DMD: variants seen among roughly 807,000 people sequenced by gnomAD.
DMD encodes the protein dystrophin, also known as mutant dystrophin.
In DMD, 63 loss-of-function variants were observed where a neutral mutation model predicts 330.1. The observed-to-expected ratio is 0.19, with a 90% CI of 0.16 to 0.24. The LOEUF (loss-of-function observed/expected upper bound fraction) is 0.24, where lower values mean the gene tolerates loss of function less well. Among genes scored for constraint, DMD ranks in the 10% least tolerant of loss-of-function variants. The pLI is 1.00. For synonymous variants in DMD, 1,223 were observed against 959.8 expected (o/e 1.27, Z -5.07); for missense variants, 3,344 against 2,684.1 (o/e 1.25, Z -5.43).
At position 31,212,048 on chromosome X, in the gene DMD, G is replaced by A. The variant is rs140494834; in HGVS notation, c.9362-2349C>T. On this transcript the variant is annotated intron_variant, in intron 64 of 78. Coordinates refer to ENST00000357033, the MANE Select transcript of DMD (RefSeq NM_004006.3). ...TAGACTTTTTGATGAAACATTAAATGTAATGATTAGCTCTTTCTAGGACCC... is the reference window on the plus strand; with the variant it reads ...TAGACTTTTTGATGAAACATTAAATATAATGATTAGCTCTTTCTAGGACCC... Among the ~76,000 whole-genome samples, 1,044 of 109,745 alleles carry A rather than the reference G, an allele frequency of 9.5e-3. 10 individuals carry two copies. Among genetic ancestry groups the A allele is most frequent in the African/African-American group, 0.032 (966 of 30,279 alleles).
At chrX:32,332,959 A>G (rs770614013) in intron 41 of DMD, among the ~76,000 whole-genome samples, 5 of 110,946 alleles carry the variant, frequency 4.5e-5, no homozygotes, top group Non-Finnish European at 7.6e-5. Context: ...TATATAGAAT[A>G]AATAAAAATG....
intron 51 of DMD, among the ~76,000 whole-genome samples, chrX:31,770,216 A>C (rs894844376): frequency 3.6e-5 from 4 of 112,520 alleles, no homozygotes; most frequent in Admixed American, 9.4e-5. Flanking sequence ...GCTTGCATCC[A>C]GAGAGCTCTA....
Position 32,399,044 on chromosome X carries a change from A to G in DMD, c.4234-8863T>C, listed in dbSNP as rs1027056344. 4.5e-5 allele frequency among the ~76,000 whole-genome samples: 5 copies of G among 112,077 alleles called. No homozygotes were observed. In the Admixed American group the frequency reaches 4.7e-4, roughly 11 times the overall value. On this transcript the variant is annotated intron_variant, in intron 30 of 78. Coordinates refer to ENST00000357033, the MANE Select transcript of DMD (RefSeq NM_004006.3). ...AAAATTGGATATCCAAATGCAGAAT[A>G]AAACCAGACCTCTATCTTGAACCGT...
At chrX:32,816,031 A>G (rs1255132121) in intron 6 of DMD, among the ~76,000 whole-genome samples, 2 of 111,498 alleles carry the variant, frequency 1.8e-5, no homozygotes, top group Non-Finnish European at 3.8e-5. Flanking sequence ...TCTCCACACT[A>G]CGTATCTGAT....
intron 4 of DMD, among the ~76,000 whole-genome samples, chrX:32,835,360 T>C (rs972814918): frequency 8.9e-6 from 1 of 112,519 alleles, no homozygotes; most frequent in African/African-American, 3.2e-5. Context: ...AGAGCTGATG[T>C]AGAGACAAGA....
At chrX:31,311,757 G>A (rs182328391) in intron 62 of DMD, among the ~76,000 whole-genome samples, 14 of 111,143 alleles carry the variant, frequency 1.3e-4, no homozygotes, top group Non-Finnish European at 1.5e-4. Context: ...CCATTTTCAC[G>A]ATATTGATTC....
intron 53 of DMD, among the ~76,000 whole-genome samples, chrX:31,659,097 T>C (rs751698100): frequency 4.5e-5 from 5 of 111,648 alleles, no homozygotes; most frequent in East Asian, 2.8e-4. Flanking sequence ...AAAGGTACAA[T>C]TGGACACCAA....
chrX:31,462,057 A>G (rs918171903), intron 59 of DMD, among the ~76,000 whole-genome samples: 2 of 111,975 alleles, frequency 1.8e-5, no homozygotes, highest in African/African-American at 6.5e-5. Context: ...CGGTAGCTGG[A>G]GATCAGTGGT....
intron 1 of DMD, among the ~76,000 whole-genome samples, chrX:33,314,402 C>A: frequency 9.3e-6 from 1 of 107,832 alleles, no homozygotes; most frequent in East Asian, 2.9e-4. Flanking sequence ...GGACTACAGG[C>A]GTGCATCACC....
intron 1 of DMD, among the ~76,000 whole-genome samples, chrX:33,176,860 C>T (rs1282660532): frequency 9.0e-6 from 1 of 111,472 alleles, no homozygotes; most frequent in Non-Finnish European, 1.9e-5. Flanking sequence ...TTGCTTGAAT[C>T]CAGCAGGCGG....
chrX:31,754,860 A>T (rs1411435809), intron 51 of DMD, among the ~76,000 whole-genome samples: 1 of 111,872 alleles, frequency 8.9e-6, no homozygotes. Flanking sequence ...GCCTCTTTGC[A>T]ATATATACAA....
chrX:32,075,149 C>T (rs1289010627), intron 44 of DMD, among the ~76,000 whole-genome samples: 1 of 111,782 alleles, frequency 8.9e-6, no homozygotes, highest in Admixed American at 9.5e-5. Flanking sequence ...ATTTTTCTGT[C>T]TCATTTCCTT....
chrX:31,121,901 C>A lies in DMD; in HGVS notation c.*18G>T. The A allele has an allele frequency of 8.3e-7, 1 of 1,207,488 alleles. No homozygotes were observed. Among genetic ancestry groups the A allele is most frequent in the Non-Finnish European group, 1.1e-6 (1 of 891,953 alleles). On this transcript the variant is annotated 3_prime_UTR_variant, in exon 79 of 79. Transcript: ENST00000357033. ...TCCATCGCTCTGCCCAAATCATCTG[C>A]CATGTGGAAAAGACTTCCTACATTG...
chrX:31,849,585 A>T (rs1475137078), intron 48 of DMD, among the ~76,000 whole-genome samples: 1 of 110,967 alleles, frequency 9.0e-6, no homozygotes, highest in East Asian at 2.8e-4. Flanking sequence ...AATGGAGTAG[A>T]AATAGAAAGC....
chrX:33,089,213 G>A (rs1200143359), intron 1 of DMD, among the ~76,000 whole-genome samples: 3 of 108,741 alleles, frequency 2.8e-5, no homozygotes, highest in African/African-American at 1.0e-4. Flanking sequence ...CTACAGGCAC[G>A]CACCACCACA....
intron 1 of DMD, among the ~76,000 whole-genome samples, chrX:33,184,845 T>G (rs2050178642): frequency 9.6e-6 from 1 of 104,301 alleles, no homozygotes; most frequent in Non-Finnish European, 1.9e-5. Flanking sequence ...TGCCTCAGCC[T>G]CCTGAGTAGC....
At position 32,719,814 on chromosome X, in the gene DMD, G is replaced by A. The variant is rs762638659; in HGVS notation, c.650-20521C>T. On this transcript the variant is annotated intron_variant, in intron 7 of 78. Transcript: ENST00000357033. The stretch of plus-strand genomic sequence containing the variant: ...ATGCTTGGTGTGCAGTTATTTCCCA[G>A]AATACCTCAAGAGCTTGGTACACAA... 4.7e-3 allele frequency among the ~76,000 whole-genome samples: 521 copies of A among 109,863 alleles called. 12 individuals carry two copies. The highest frequency in any genetic ancestry group is 0.016 in the African/African-American group (492 of 30,269).
intron 59 of DMD, among the ~76,000 whole-genome samples, chrX:31,468,603 T>C (rs1223455652): frequency 8.9e-6 from 1 of 111,919 alleles, no homozygotes; most frequent in East Asian, 2.8e-4. Flanking sequence ...AATTTTATAA[T>C]AAGTGTGATG....
intron 33 of DMD, among the ~76,000 whole-genome samples, chrX:32,381,350 T>A (rs768378133): frequency 2.0e-4 from 22 of 111,574 alleles, no homozygotes; most frequent in Non-Finnish European, 3.4e-4. Flanking sequence ...GCTCCTGTTC[T>A]CAGTGTTTGA....
Sources: gnomAD v4.1 joint callset for allele counts (sites outside exome capture counted in the v4.1 genomes callset) on GRCh38, gnomAD v4.1.1 for gene constraint, MANE v1.5 for transcripts, NCBI Gene and HGNC (gene_info 2026-07-23, HGNC 2026-07-21) for gene names.